The following PHF19 variants were observed in gnomAD, a reference collection of about 807,000 sequenced individuals.
The protein encoded by PHF19 is PHD finger protein 19, also known as polycomb like 3.
Under a neutral mutation model 79.8 loss-of-function variants are expected in PHF19, and 21 were observed. That is an observed-to-expected ratio of 0.26 (90% CI 0.19 to 0.38). The LOEUF (loss-of-function observed/expected upper bound fraction) is 0.38. PHF19 is among the 10% of genes least tolerant of loss of function. The pLI, the probability that PHF19 is intolerant of heterozygous loss-of-function variation, is 1.00. For synonymous variants in PHF19, 273 were observed against 296.3 expected (o/e 0.92, Z 0.81); for missense variants, 445 against 744.2 (o/e 0.60, Z 4.68).
rs555015200 is a variant in PHF19, at chr9:120,889,156, G to A, written c.42+5632C>T. 5.8e-4 allele frequency among the ~76,000 whole-genome samples: 89 copies of A among 152,300 alleles called. 1 individual carries two copies. Among genetic ancestry groups the A allele is most frequent in the South Asian group, 1.0e-3 (5 of 4,824 alleles). ...GCCAATAACAGATGAGGCCAGGCGC[G>A]ATGGCACACGCTTGTAATCCCAGCA... is the stretch of plus-strand genomic sequence containing the variant. On this transcript the variant is annotated intron_variant, in intron 1 of 14. Coordinates refer to the PHF19 transcript ENST00000616568.
In PHF19 at chr9:120,869,781, G is replaced by A; in HGVS notation, c.465+64C>T. On this transcript the variant is annotated intron_variant, in intron 5 of 14. Coordinates refer to ENST00000373896, the MANE Select transcript of PHF19 (RefSeq NM_015651.3). The surrounding 1 kb of genome is among the most constrained non-coding windows in gnomAD (Gnocchi z 5.8). Reference sequence around the variant, plus strand: ...TTGGAGCTCAGACTCTGTGATGGGAGTCTCTGGTCTGCCCCACTGGAGGAG... The same window carrying A: ...TTGGAGCTCAGACTCTGTGATGGGAATCTCTGGTCTGCCCCACTGGAGGAG... The A allele has an allele frequency of 6.2e-6, 10 of 1,608,270 alleles. No homozygotes were observed. The highest frequency in any genetic ancestry group is 8.5e-6 in the Non-Finnish European group (10 of 1,177,698).
intron 1 of PHF19, among the ~76,000 whole-genome samples, chr9:120,883,777 AAAAAT>A (rs2046223856): frequency 1.3e-5 from 2 of 151,636 alleles, no homozygotes; most frequent in Admixed American, 6.6e-5. Flanking sequence ...AAAAAAAAAA[AAAAAT>A]AGAAGCTCCT....
In PHF19 at chr9:120,866,184, C is replaced by T; in HGVS notation, c.711-88G>A. ...AGCCCCTTGATCTCCTCATTCCCCACCTACCTTCCCATAATCTTCTCACTC... is the reference window on the plus strand; with the variant it reads ...AGCCCCTTGATCTCCTCATTCCCCATCTACCTTCCCATAATCTTCTCACTC... On this transcript the variant is annotated intron_variant, in intron 7 of 14. Transcript: ENST00000373896. This position sits in a 1 kb window ranked among gnomAD's most constrained non-coding sequence, Gnocchi z 5.2. The T allele has an allele frequency of 2.1e-6, 2 of 935,130 alleles. No individual in the cohort carries two copies. The highest frequency in any genetic ancestry group is 1.6e-5 in the African/African-American group (1 of 61,970). The allele number at this position is 935,130 out of a possible 1,614,324, so 57.9% of individuals were successfully genotyped here.
chr9:120,889,425 CAAAA>C (rs35061787), intron 1 of PHF19, among the ~76,000 whole-genome samples: 1 of 100,250 alleles, frequency 1.0e-5, no homozygotes. Context: ...GTCTCCATCT[CAAAA>C]AAAAAAAAAA....
intron 1 of PHF19, among the ~76,000 whole-genome samples, chr9:120,888,032 G>A (rs1394496770): frequency 2.6e-5 from 4 of 152,152 alleles, no homozygotes; most frequent in Non-Finnish European, 2.9e-5. Flanking sequence ...GAGTGCAGTC[G>A]CACGATCTCA....
At position 120,874,687 on chromosome 9, in the gene PHF19, G is replaced by A; in HGVS notation, c.55C>T (p.His19Tyr). Reference sequence around the variant, plus strand: ...GCCAGGGCCCCCTTGTTGGGGAGGTGGCTGGTGGCACCATAGGAGTCCCGA... The same window carrying A: ...GCCAGGGCCCCCTTGTTGGGGAGGTAGCTGGTGGCACCATAGGAGTCCCGA... ...GTRDSYGATS[H>Y]LPNKGALAKV... is the part of the protein sequence containing the mutation. The change falls in exon 2 of 15, where the codon CAC (histidine) becomes TAC (tyrosine). Residue 19 changes from histidine to tyrosine, a missense_variant. His to Tyr is a moderately conservative substitution (Grantham distance 83, BLOSUM62 2). Transcript: ENST00000373896. The surrounding 1 kb of genome is among the most constrained non-coding windows in gnomAD (Gnocchi z 4.5). The A allele has an allele frequency of 1.2e-6, 2 of 1,613,706 alleles. No homozygotes were observed. The highest frequency in any genetic ancestry group is 1.7e-6 in the Non-Finnish European group (2 of 1,179,608).
At chr9:120,896,943 A>G (rs1374630653), upstream of PHF19, among the ~76,000 whole-genome samples, 1 of 152,254 alleles carries the variant, frequency 6.6e-6, no homozygotes, top group African/African-American at 2.4e-5. Context: ...GCATCTGCCC[A>G]GAGTGTAGTG....
At chr9:120,861,775 G>C in intron 12 of PHF19, 143 bp downstream of exon 12, 1 of 715,334 alleles carries the variant, frequency 1.4e-6, no homozygotes, top group Non-Finnish European at 2.5e-6. Flanking sequence ...TAGAGTGCCT[G>C]GCTTAGCTGT....
At chr9:120,884,408 A>C (rs1267809615) in intron 1 of PHF19, among the ~76,000 whole-genome samples, 1 of 89,560 alleles carries the variant, frequency 1.1e-5, no homozygotes, top group Non-Finnish European at 2.2e-5. Context: ...TGTAGGAGAA[A>C]GAGGAAATGT....
At chr9:120,871,122 C>T (rs1163641126) in intron 3 of PHF19, among the ~76,000 whole-genome samples, 1 of 152,174 alleles carries the variant, frequency 6.6e-6, no homozygotes, top group African/African-American at 2.4e-5. Flanking sequence ...AGGATGGTCT[C>T]GAACTCCTGA....
At position 120,862,437 on chromosome 9, in the gene PHF19, G is replaced by A. The variant is rs2045560175; in HGVS notation, c.1130+151C>T. Reference sequence around the variant, plus strand: ...GGCTGTGGTGGTGAAAGGAGTTGGGGATCTGGGATCTGGGATCCCGCTCAG... The same window carrying A: ...GGCTGTGGTGGTGAAAGGAGTTGGGAATCTGGGATCTGGGATCCCGCTCAG... On this transcript the variant is annotated intron_variant, in intron 11 of 14. Coordinates refer to ENST00000373896, the MANE Select transcript of PHF19 (RefSeq NM_015651.3). This position sits in a 1 kb window ranked among gnomAD's most constrained non-coding sequence, Gnocchi z 4.6. 1.5e-6 allele frequency: 1 copy of A among 652,618 alleles called. No homozygotes were observed. The highest frequency in any genetic ancestry group is 1.8e-5 in the African/African-American group (1 of 55,176). The allele number at this position is 652,618 out of a possible 1,614,324, so 40.4% of individuals were successfully genotyped here. A position where few individuals can be genotyped will look rare whatever the true frequency, so the allele number is the denominator to read the frequency against.
rs955162563 is a variant in PHF19 at position 120,860,977 on chromosome 9, C to T, written c.1304+112G>A. Reference sequence around the variant, plus strand: ...TGCTGAAAGCTCTACTGCAAAAAGCCCCTTCAGACAGACCTGCACAGCAGG... The same window carrying T: ...TGCTGAAAGCTCTACTGCAAAAAGCTCCTTCAGACAGACCTGCACAGCAGG... On this transcript the variant is annotated intron_variant, in intron 13 of 14. Transcript: ENST00000373896. This position sits in a 1 kb window ranked among gnomAD's most constrained non-coding sequence, Gnocchi z 4.1. 1 of 725,578 alleles carries T rather than the reference C, an allele frequency of 1.4e-6. No individual in the cohort carries two copies. Among genetic ancestry groups the T allele is most frequent in the Non-Finnish European group, 2.5e-6 (1 of 394,596 alleles). The allele number at this position is 725,578 out of a possible 1,614,324, so 44.9% of individuals were successfully genotyped here.
chr9:120,880,025 C>T (rs951469592), upstream of PHF19, among the ~76,000 whole-genome samples: 1 of 152,022 alleles, frequency 6.6e-6, no homozygotes, highest in African/African-American at 2.4e-5. Flanking sequence ...GTGAGGATGT[C>T]GCACAGTTGG....
At position 120,891,381 on chromosome 9, in the gene PHF19, G is replaced by A. The variant is rs78913080; in HGVS notation, c.42+3407C>T. 1.3e-5 allele frequency among the ~76,000 whole-genome samples: 2 copies of A among 151,958 alleles called. No homozygotes were observed. The highest frequency in any genetic ancestry group is 2.9e-5 in the Non-Finnish European group (2 of 68,022). Reference sequence around the variant, plus strand: ...CCTAGAGAACCTTGCTCAATCTTAAGCCCGCACACCTGCCGTACTTTGGGA... The same window carrying A: ...CCTAGAGAACCTTGCTCAATCTTAAACCCGCACACCTGCCGTACTTTGGGA... On this transcript the variant is annotated intron_variant, in intron 1 of 14. Coordinates refer to the PHF19 transcript ENST00000616568. This position sits in a 1 kb window ranked among gnomAD's most constrained non-coding sequence, Gnocchi z 4.3.
At chr9:120,894,855 G>T (rs907755526) in exon 1 of PHF19, 1 of 1,213,068 alleles carries the variant, frequency 8.2e-7, no homozygotes, top group African/African-American at 1.6e-5. Flanking sequence ...GGAGGCATCC[G>T]GAGGCTTTGA....
At chr9:120,858,716 A>G (rs946198069) in intron 14 of PHF19, among the ~76,000 whole-genome samples, 11 of 151,954 alleles carry the variant, frequency 7.2e-5, no homozygotes, top group Non-Finnish European at 7.4e-5. Context: ...CTTGCCTCTC[A>G]CCAGACTGGT....
At chr9:120,881,429 G>A (rs1334444670), upstream of PHF19, among the ~76,000 whole-genome samples, 1 of 152,078 alleles carries the variant, frequency 6.6e-6, no homozygotes, top group Non-Finnish European at 1.5e-5. Flanking sequence ...TTACAGGCGT[G>A]AGTCACCGTG....
Position 120,857,890 on chromosome 9 carries a change from G to C in PHF19, c.*54C>G. The C allele has an allele frequency of 9.2e-7, 1 of 1,084,172 alleles. No homozygotes were observed. Among genetic ancestry groups the C allele is most frequent in the South Asian group, 1.5e-5 (1 of 65,534 alleles). The allele number at this position is 1,084,172 out of a possible 1,614,324, so 67.2% of individuals were successfully genotyped here. ...CCTGGAGAAAGCTGGGGAGCCTATG[G>C]CTTCTGCTGCTCCTCCTTTGGTTTT... On this transcript the variant is annotated 3_prime_UTR_variant, in exon 15 of 15. Coordinates refer to ENST00000373896, the MANE Select transcript of PHF19 (RefSeq NM_015651.3).
chr9:120,863,160 G>C (rs766309473), intron 10 of PHF19: 1 of 184,042 alleles, frequency 5.4e-6, no homozygotes, highest in Non-Finnish European at 1.1e-5. Context: ...TGAGGCTGCA[G>C]AAGTGACTTA....
Sources: allele counts gnomAD v4.1 joint callset (sites outside exome capture counted in the v4.1 genomes callset), GRCh38; gene constraint gnomAD v4.1.1; non-coding constraint Gnocchi (gnomAD v3.1); transcripts MANE v1.5; gene names NCBI Gene and HGNC (gene_info 2026-07-23, HGNC 2026-07-21).